The following BMPR1A variants were observed in gnomAD, a reference collection of about 807,000 sequenced individuals.
BMPR1A encodes the protein bone morphogenetic protein receptor type 1A, also known as bone morphogenetic protein receptor type-1A.
Under a neutral mutation model 66.0 loss-of-function variants are expected in BMPR1A, and 7 were observed. The observed-to-expected ratio is 0.11, with a 90% CI of 0.06 to 0.20. The LOEUF (loss-of-function observed/expected upper bound fraction) is 0.20, where lower values mean the gene tolerates loss of function less well. Among genes scored for constraint, BMPR1A ranks in the 10% least tolerant of loss-of-function variants. BMPR1A has a pLI of 1.00. For missense variants in BMPR1A, 408 were observed against 669.1 expected (o/e 0.61, Z 4.31); for synonymous variants, 200 against 229.7 (o/e 0.87, Z 1.17).
chr10:86,790,177 AAAAAAAAAAAAATAT>A (rs1841583680), intron 1 of BMPR1A, among the ~76,000 whole-genome samples: 4 of 44,054 alleles, frequency 9.1e-5, no homozygotes, highest in Non-Finnish European at 1.2e-4. Context: ...AAAAAAAAAA[AAAAAAAAAAAAATAT>A]ATATATATAT....
chr10:86,864,878 C>T (rs530017474), intron 2 of BMPR1A, among the ~76,000 whole-genome samples: 30 of 152,266 alleles, frequency 2.0e-4, no homozygotes, highest in African/African-American at 5.3e-4. Context: ...CAAGATCTCC[C>T]TTCAGCTTAA....
chr10:86,899,740 A>G, intron 5 of BMPR1A, 54 bp from the exon 6 acceptor site: 5 of 1,522,576 alleles, frequency 3.3e-6, no homozygotes, highest in South Asian at 2.3e-5. Context: ...CTAAAAAGAC[A>G]TATCAGTTTA....
At chr10:86,907,650 A>G (rs1843416248) in intron 7 of BMPR1A, among the ~76,000 whole-genome samples, 1 of 152,228 alleles carries the variant, frequency 6.6e-6, no homozygotes, top group Non-Finnish European at 1.5e-5. Flanking sequence ...AATTAATGAA[A>G]TCCTGTTATT....
intron 2 of BMPR1A, chr10:86,855,536 AT>A (rs1416784538): frequency 2.5e-5 from 11 of 440,476 alleles, no homozygotes; most frequent in Admixed American, 7.4e-5. Context: ...TAGTATTTCT[AT>A]TTTTTGAAAA....
chr10:86,780,940 A>G (rs1479484289), intron 1 of BMPR1A, among the ~76,000 whole-genome samples: 2 of 152,004 alleles, frequency 1.3e-5, no homozygotes, highest in African/African-American at 4.8e-5. Flanking sequence ...GTCTCAAGCT[A>G]CTTGGGCTCA....
At chr10:86,917,433 T>C in intron 9 of BMPR1A, 107 bp downstream of exon 9, 4 of 1,366,544 alleles carry the variant, frequency 2.9e-6, no homozygotes, top group Non-Finnish European at 4.1e-6. Context: ...CTATATACAT[T>C]TGGCTAAAGG....
At chr10:86,887,615 C>T (rs775784348) in intron 3 of BMPR1A, among the ~76,000 whole-genome samples, 2 of 152,176 alleles carry the variant, frequency 1.3e-5, no homozygotes, top group South Asian at 2.1e-4. Context: ...CCCGTAACTG[C>T]GACTTGAACC....
At chr10:86,845,775 A>C (rs1842476354) in intron 2 of BMPR1A, among the ~76,000 whole-genome samples, 1 of 152,130 alleles carries the variant, frequency 6.6e-6, no homozygotes, top group African/African-American at 2.4e-5. Flanking sequence ...AGGCGAGTGG[A>C]TCATGAGGTC....
intron 1 of BMPR1A, among the ~76,000 whole-genome samples, chr10:86,767,622 G>A (rs1196583365): frequency 2.0e-5 from 3 of 152,156 alleles, no homozygotes; most frequent in Non-Finnish European, 2.9e-5. Flanking sequence ...AGACTGCAGT[G>A]AGCCATGATC....
chr10:86,799,526 T>C, intron 1 of BMPR1A, among the ~76,000 whole-genome samples: 1 of 144,252 alleles, frequency 6.9e-6, no homozygotes. Flanking sequence ...TTTTCTTTTC[T>C]TTTCTTTCTT....
intron 7 of BMPR1A, among the ~76,000 whole-genome samples, chr10:86,907,471 C>T (rs545259060): frequency 1.3e-5 from 2 of 152,266 alleles, no homozygotes; most frequent in South Asian, 4.2e-4. Flanking sequence ...TCTTGCAATC[C>T]CACTATTTGG....
chr10:86,846,557 C>T (rs1041379539), intron 2 of BMPR1A, among the ~76,000 whole-genome samples: 5 of 152,088 alleles, frequency 3.3e-5, no homozygotes, highest in Admixed American at 6.5e-5. Flanking sequence ...AAAAATTAGC[C>T]GGGCATGGTG....
intron 1 of BMPR1A, among the ~76,000 whole-genome samples, chr10:86,782,262 G>C (rs914617345): frequency 6.6e-6 from 1 of 152,138 alleles, no homozygotes; most frequent in African/African-American, 2.4e-5. Context: ...ACACGTTTTG[G>C]CTATTGTAGT....
rs531566157 is a variant in BMPR1A at position 86,761,703 on chromosome 10, A to G, written c.-268+4784A>G. ...CAGCCTCAGGCATAAATGGGTTAAG[A>G]TGGTGGCAGATAATTAGGGCCTGGA... On this transcript the variant is annotated intron_variant, in intron 1 of 12. Transcript: ENST00000372037. 7.9e-5 allele frequency among the ~76,000 whole-genome samples: 12 copies of G among 152,332 alleles called. No homozygotes were observed. In the South Asian group the frequency reaches 2.5e-3, roughly 32 times the overall value.
chr10:86,766,751 G>A (rs1247076935), intron 1 of BMPR1A, among the ~76,000 whole-genome samples: 5 of 150,708 alleles, frequency 3.3e-5, no homozygotes, highest in Non-Finnish European at 7.4e-5. Flanking sequence ...GAGTACAGGC[G>A]CCCGCCATCA....
At chr10:86,930,915 G>A (rs1248558463), downstream of BMPR1A, 1 of 152,060 alleles carries the variant, frequency 6.6e-6, no homozygotes. Context: ...TAAACATTAT[G>A]CAGGAAGCTC....
rs74150402 is a variant in BMPR1A at position 86,759,405 on chromosome 10, T to C, written c.-268+2486T>C. 3.2e-3 allele frequency among the ~76,000 whole-genome samples: 485 copies of C among 152,000 alleles called. 2 individuals carry two copies. Among genetic ancestry groups the C allele is most frequent in the African/African-American group, 0.01 (427 of 41,312 alleles). On this transcript the variant is annotated intron_variant, in intron 1 of 12. Coordinates refer to ENST00000372037, the MANE Select transcript of BMPR1A (RefSeq NM_004329.3). ...TTATGTGTCTTCTGAATCACGTTTTTTTGTTTGTTTGTTTTGTTTTTTCTT... is the reference window on the plus strand; with the variant it reads ...TTATGTGTCTTCTGAATCACGTTTTCTTGTTTGTTTGTTTTGTTTTTTCTT...
intron 11 of BMPR1A, among the ~76,000 whole-genome samples, chr10:86,922,989 C>T (rs1843689082): frequency 6.6e-6 from 1 of 152,258 alleles, no homozygotes; most frequent in Non-Finnish European, 1.5e-5. Context: ...CCCTTATCTG[C>T]ACCTCATAAG....
chr10:86,767,593 G>A (rs930200381), intron 1 of BMPR1A, among the ~76,000 whole-genome samples: 5 of 152,078 alleles, frequency 3.3e-5, no homozygotes, highest in Admixed American at 6.6e-5. Flanking sequence ...TGGGGGGATC[G>A]CTTGAGCCCA....
Sources: gnomAD v4.1 joint callset for allele counts (sites outside exome capture counted in the v4.1 genomes callset) on GRCh38, gnomAD v4.1.1 for gene constraint, MANE v1.5 for transcripts, NCBI Gene and HGNC (gene_info 2026-07-23, HGNC 2026-07-21) for gene names.